The following SPATA6 variants were observed in gnomAD, a reference collection of about 807,000 sequenced individuals.
SPATA6 encodes the protein spermatogenesis associated 6, also known as spermatogenesis-associated protein 6.
A neutral mutation model predicts 65.3 loss-of-function variants in SPATA6; 56 were observed. The ratio of observed to expected loss-of-function variants is 0.86; its 90% CI spans 0.69 to 1.07. The LOEUF (loss-of-function observed/expected upper bound fraction) is 1.07, where lower values mean the gene tolerates loss of function less well. Ranked by LOEUF, SPATA6 falls within the 50% of genes least tolerant of loss-of-function variation. The pLI is 0.00. For synonymous variants in SPATA6, 199 were observed against 213.2 expected, an observed-to-expected ratio of 0.93 and a Z score of 0.58; for missense variants, 590 against 594.8, an observed-to-expected ratio of 0.99 and a Z score of 0.08.
intron 11 of SPATA6, chr1:48,325,765 G>C (rs886366356): frequency 2.3e-5 from 11 of 475,214 alleles, no homozygotes; most frequent in African/African-American, 2.0e-4. Context: ...ATGCCCCTGT[G>C]GATGCGTCAA....
intron 3 of SPATA6, among the ~76,000 whole-genome samples, chr1:48,435,258 T>A (rs1654794214): frequency 6.6e-6 from 1 of 152,186 alleles, no homozygotes; most frequent in Non-Finnish European, 1.5e-5. Flanking sequence ...AGAACTTTTG[T>A]GTCTAACTAA....
chr1:48,268,334 T>TGTGTG, the SPATA6 span, among the ~76,000 whole-genome samples: 4 of 136,314 alleles, frequency 2.9e-5, no homozygotes, highest in African/African-American at 8.3e-5. Context: ...GTGTGTGTGT[T>TGTGTG]TGTGTGTGTG....
intron 11 of SPATA6, among the ~76,000 whole-genome samples, chr1:48,347,167 C>T (rs1310806170): frequency 1.3e-5 from 2 of 151,780 alleles, no homozygotes; most frequent in African/African-American, 4.8e-5. Context: ...GGCCACACAC[C>T]TACAACTAAC....
chr1:48,306,915 CCTTAA>C (rs1291333834), intron 11 of SPATA6, among the ~76,000 whole-genome samples: 1 of 150,990 alleles, frequency 6.6e-6, no homozygotes, highest in Non-Finnish European at 1.5e-5. Context: ...CTTTTTTTTC[CCTTAA>C]CTTATTTGGT....
intron 8 of SPATA6, among the ~76,000 whole-genome samples, chr1:48,389,896 G>A (rs549159044): frequency 1.3e-5 from 2 of 151,830 alleles, no homozygotes; most frequent in African/African-American, 2.4e-5. Context: ...AAAGATTCAC[G>A]GTACAACCAC....
intron 3 of SPATA6, among the ~76,000 whole-genome samples, chr1:48,446,997 A>C (rs1656113902): frequency 6.6e-6 from 1 of 152,134 alleles, no homozygotes; most frequent in Non-Finnish European, 1.5e-5. Context: ...CAGCCTGCTA[A>C]CATGAGGATG....
At chr1:48,413,292 C>CT in intron 3 of SPATA6, 141 bp from the exon 4 acceptor site, 2 of 243,124 alleles carry the variant, frequency 8.2e-6, no homozygotes, top group Non-Finnish European at 8.1e-6. Flanking sequence ...ATAATGTACA[C>CT]TTCTTTTTTT....
the SPATA6 span, among the ~76,000 whole-genome samples, chr1:48,267,621 C>T: frequency 1.0e-3 from 154 of 152,224 alleles, 1 homozygote; most frequent in African/African-American, 3.3e-3. Context: ...GGTCTACAGG[C>T]GTCTGTTCCT....
At chr1:48,389,314 A>C (rs893967483) in intron 8 of SPATA6, among the ~76,000 whole-genome samples, 6 of 152,188 alleles carry the variant, frequency 3.9e-5, no homozygotes, top group African/African-American at 1.4e-4. Flanking sequence ...CAAATATACA[A>C]ATCATCTGTA....
chr1:48,308,821 A>C (rs931298461), intron 11 of SPATA6, among the ~76,000 whole-genome samples: 7 of 152,132 alleles, frequency 4.6e-5, no homozygotes, highest in Non-Finnish European at 1.5e-5. Context: ...TGAGGAACAC[A>C]TTTATGTGAT....
At chr1:48,366,095 T>C (rs576684413) in intron 9 of SPATA6, among the ~76,000 whole-genome samples, 15 of 152,346 alleles carry the variant, frequency 9.8e-5, no homozygotes, top group Admixed American at 7.8e-4. Flanking sequence ...CTGAATTACA[T>C]TTATTGATTT....
intron 9 of SPATA6, among the ~76,000 whole-genome samples, chr1:48,381,173 T>G (rs943396496): frequency 2.6e-5 from 4 of 152,176 alleles, no homozygotes; most frequent in African/African-American, 9.7e-5. Flanking sequence ...TGTGGCCCAG[T>G]TCCTAACAGG....
chr1:48,467,377 T>C (rs1331030714), intron 1 of SPATA6, among the ~76,000 whole-genome samples: 2 of 152,082 alleles, frequency 1.3e-5, no homozygotes, highest in Non-Finnish European at 2.9e-5. Flanking sequence ...TAGTTTCCAG[T>C]TTATAGTAAT....
intron 9 of SPATA6, among the ~76,000 whole-genome samples, chr1:48,381,707 TATTTA>T (rs1648639467): frequency 6.8e-6 from 1 of 146,706 alleles, no homozygotes; most frequent in African/African-American, 2.6e-5. Context: ...TTAATTAATT[TATTTA>T]TTTTTTATTG....
At chr1:48,333,765 T>C (rs564310725) in intron 11 of SPATA6, among the ~76,000 whole-genome samples, 1 of 152,124 alleles carries the variant, frequency 6.6e-6, no homozygotes, top group South Asian at 2.1e-4. Context: ...ACTCTAAAGC[T>C]AGCAGAAAAC....
Position 48,411,639 on chromosome 1 carries a change from G to C in SPATA6, c.281-51C>G, listed in dbSNP as rs377676367. On this transcript the variant is annotated intron_variant, in intron 4 of 12. Transcript: ENST00000371847. Reference sequence around the variant, plus strand: ...AAATTATAATAAAATATTCTATTTAGAAACAAAATCATCAAGTATGATATA... The same window carrying C: ...AAATTATAATAAAATATTCTATTTACAAACAAAATCATCAAGTATGATATA... 32 of 1,416,104 alleles carry C rather than the reference G, an allele frequency of 2.3e-5. No homozygotes were observed. The African/African-American group carries it at 4.2e-4, about 19-fold the overall frequency. The allele number at this position is 1,416,104 out of a possible 1,614,324, so 87.7% of individuals were successfully genotyped here. A position where few individuals can be genotyped will look rare whatever the true frequency, so the allele number is the denominator to read the frequency against.
At chr1:48,375,454 T>A (rs1411995983) in intron 9 of SPATA6, among the ~76,000 whole-genome samples, 1 of 152,168 alleles carries the variant, frequency 6.6e-6, no homozygotes, top group South Asian at 2.1e-4. Flanking sequence ...TGTACCAACA[T>A]CCTTATAATA....
intron 3 of SPATA6, among the ~76,000 whole-genome samples, chr1:48,442,824 T>TAAC (rs1263803662): frequency 6.6e-6 from 1 of 151,182 alleles, no homozygotes; most frequent in Non-Finnish European, 1.5e-5. Flanking sequence ...TGCAACCCTG[T>TAAC]AACACTCCAA....
intron 3 of SPATA6, among the ~76,000 whole-genome samples, chr1:48,429,342 T>A (rs1239325459): frequency 6.6e-6 from 1 of 152,036 alleles, no homozygotes; most frequent in Non-Finnish European, 1.5e-5. Context: ...GAAAAACAAC[T>A]GCATATACAG....
Sources: allele counts gnomAD v4.1 joint callset (sites outside exome capture counted in the v4.1 genomes callset), GRCh38; gene constraint gnomAD v4.1.1; transcripts MANE v1.5; gene names NCBI Gene and HGNC (gene_info 2026-07-23, HGNC 2026-07-21).